Variants in PHF23 observed in about 807,000 individuals in gnomAD.
The protein encoded by PHF23 is PHD finger protein 23.
In PHF23, 3 loss-of-function variants were observed where a neutral mutation model predicts 36.0. The ratio of observed to expected loss-of-function variants is 0.08; its 90% confidence interval spans 0.04 to 0.22. The LOEUF (loss-of-function observed/expected upper bound fraction) is 0.22. Ranked by LOEUF, PHF23 falls within the 10% of genes least tolerant of loss-of-function variation. The probability of loss-of-function intolerance (pLI) is 1.00; values close to 1 mark genes in which losing one functional copy is unlikely to be tolerated. For synonymous variants in PHF23, 242 were observed against 192.5 expected (o/e 1.26, Z -2.13); for missense variants, 475 against 513.6 (o/e 0.92, Z 0.73).
At position 7,238,836 on chromosome 17, in the gene PHF23, G is replaced by A. The variant is rs2071736934; in HGVS notation, c.34+410C>T. On this transcript the variant is annotated intron_variant, in intron 1 of 4. Coordinates refer to ENST00000320316, the MANE Select transcript of PHF23 (RefSeq NM_024297.3). ...CCGGCGGCAACTACTCGGAGCTCCG[G>A]TACCACCGCCACAAACTACCCCACC... 3 of 1,533,108 alleles carry A rather than the reference G, an allele frequency of 2.0e-6. No homozygotes were observed. The African/African-American group carries it at 4.2e-5, about 21-fold the overall frequency. The allele number at this position is 1,533,108 out of a possible 1,614,324, so 95.0% of individuals were successfully genotyped here. A position where few individuals can be genotyped will look rare whatever the true frequency, so the allele number is the denominator to read the frequency against.
intron 1 of PHF23, chr17:7,238,727 G>T: frequency 6.8e-7 from 1 of 1,473,432 alleles, no homozygotes; most frequent in East Asian, 2.7e-5. Flanking sequence ...CCCCGGTACA[G>T]GTCCGTCTGC....
chr17:7,237,357 C>G, intron 3 of PHF23, 28 bp downstream of exon 3: 1 of 1,574,698 alleles, frequency 6.4e-7, no homozygotes, highest in South Asian at 1.1e-5. Context: ...CCACACCAGC[C>G]TCAAGTCAGT....
In PHF23 at chr17:7,236,449, G is replaced by C; in HGVS notation, c.478C>G (p.Pro160Ala). Residue 160 changes from proline (P) to alanine (A), a missense_variant, in exon 4 of 5, where the codon CCC becomes GCC. Physicochemically the swap from Pro to Ala is conservative, Grantham distance 27 (BLOSUM62 -1). This residue lies in a region of PHF23 where 350 missense variants were observed against 319.8 expected (regional missense o/e 1.09). Transcript: ENST00000320316. This position sits in a 1 kb window ranked among gnomAD's most constrained non-coding sequence, Gnocchi z 5.1. ...GGCACGGGGGTAAGAGCAGCAGGGG[G>C]CCGGGAGGTATGTGTCAGGGATGTG... ...SPTSLTHTSR[P>A]PAALTPVPLS... 6.2e-7 allele frequency: 1 copy of C among 1,613,680 alleles called. No homozygotes were observed. Among genetic ancestry groups the C allele is most frequent in the South Asian group, 1.1e-5 (1 of 91,078 alleles).
upstream of PHF23, chr17:7,239,641 G>A (rs1310801146): frequency 1.2e-5 from 2 of 163,308 alleles, no homozygotes; most frequent in East Asian, 1.7e-4. Context: ...TGAACCTCCG[G>A]AACTTTGATT....
chr17:7,235,522 G>T lies in PHF23; in HGVS notation c.*104C>A. On this transcript the variant is annotated 3_prime_UTR_variant, in exon 5 of 5. Transcript: ENST00000320316. ...AGTCTCCCTTGAGAATTCCTGCCTT[G>T]AAGTGCAGACAGTATCCAAGCTCCA... The T allele has an allele frequency of 8.6e-7, 1 of 1,167,596 alleles. No homozygotes were observed. The highest frequency in any genetic ancestry group is 1.2e-6 in the Non-Finnish European group (1 of 805,934). 72.3% of individuals were successfully genotyped at this position (1,167,596 alleles called of 1,614,324 possible). A position where few individuals can be genotyped will look rare whatever the true frequency, so the allele number is the denominator to read the frequency against.
chr17:7,239,120 G>C, intron 1 of PHF23, 126 bp downstream of exon 1: 1 of 1,029,950 alleles, frequency 9.7e-7, no homozygotes, highest in Non-Finnish European at 1.4e-6. Context: ...CCCACCTCCA[G>C]GGCCAGCCTC....
Position 7,236,876 on chromosome 17 carries a change from T to C in PHF23, c.160-109A>G. On this transcript the variant is annotated intron_variant, in intron 3 of 4. Transcript: ENST00000320316. This position sits in a 1 kb window ranked among gnomAD's most constrained non-coding sequence, Gnocchi z 5.1. ...TGGATTTACCCCAAAATGTCCTACC[T>C]CAACCACTAAATCCCACTGTACTCC... 6.8e-7 allele frequency: 1 copy of C among 1,468,500 alleles called. No individual in the cohort carries two copies. The highest frequency in any genetic ancestry group is 8.9e-7 in the Non-Finnish European group (1 of 1,119,516). The allele number at this position is 1,468,500 out of a possible 1,614,324, so 91.0% of individuals were successfully genotyped here. A position where few individuals can be genotyped will look rare whatever the true frequency, so the allele number is the denominator to read the frequency against.
At chr17:7,238,881 C>A in intron 1 of PHF23, 1 of 1,534,038 alleles carries the variant, frequency 6.5e-7, no homozygotes, top group South Asian at 1.2e-5. Flanking sequence ...TACCGGGCCC[C>A]TCACTCAGCC....
In PHF23 at chr17:7,237,910, C is replaced by G. The variant is rs1187223553; in HGVS notation, c.35-250G>C. 4 of 534,706 alleles carry G rather than the reference C, an allele frequency of 7.5e-6. No individual in the cohort carries two copies. In the East Asian group the frequency reaches 1.3e-4, roughly 17 times the overall value. 33.1% of individuals were successfully genotyped at this position (534,706 alleles called of 1,614,324 possible). On this transcript the variant is annotated intron_variant, in intron 1 of 4. Coordinates refer to ENST00000320316, the MANE Select transcript of PHF23 (RefSeq NM_024297.3). ...CCCCAACCGGAGGCCCGGCGCCCCG[C>G]CCCCCCAACTCACGGTCTCTCTCGA...
intron 2 of PHF23, 68 bp downstream of exon 2, chr17:7,237,561 C>G: frequency 1.2e-6 from 2 of 1,607,586 alleles, no homozygotes; most frequent in Non-Finnish European, 8.5e-7. Flanking sequence ...TAAGTGAGGT[C>G]TAGAAAAGGG....
chr17:7,236,064 A>G lies in PHF23; in HGVS notation c.863T>C (p.Val288Ala), dbSNP rs1251687870. ...AGCAGGAGGGACTCCTTCAGGGTGC[A>G]CTGTGGCAGGGGGCCTAGGAGCCTC... ...PPEAPRPPATVHPEGVPPADS... is the reference protein window; with the variant it reads ...PPEAPRPPATAHPEGVPPADS... Residue 288 changes from valine to alanine, a missense_variant, in exon 4 of 5, where the codon GTG becomes GCG. Around this residue, in one of 5 missense-constraint regions of PHF23, gnomAD observed 350 missense variants for 319.8 expected, o/e 1.09. Coordinates refer to ENST00000320316, the MANE Select transcript of PHF23 (RefSeq NM_024297.3). This position sits in a 1 kb window ranked among gnomAD's most constrained non-coding sequence, Gnocchi z 5.1. The G allele has an allele frequency of 3.1e-6, 5 of 1,613,860 alleles. No homozygotes were observed. In the East Asian group the frequency reaches 1.1e-4, roughly 36 times the overall value.
At chr17:7,238,836 G>T (rs2071736934) in intron 1 of PHF23, 10 of 1,533,228 alleles carry the variant, frequency 6.5e-6, no homozygotes, top group Non-Finnish European at 8.7e-6. Context: ...CGGAGCTCCG[G>T]TACCACCGCC....
intron 1 of PHF23, chr17:7,238,877 G>A (rs1047412116): frequency 6.3e-5 from 96 of 1,533,394 alleles, no homozygotes; most frequent in Admixed American, 1.2e-4. Flanking sequence ...GAACTACCGG[G>A]CCCCTCACTC....
chr17:7,237,746 C>A (rs1391972936), intron 1 of PHF23, 86 bp from the exon 2 acceptor site: 2 of 1,482,340 alleles, frequency 1.3e-6, no homozygotes, highest in Non-Finnish European at 1.9e-6. Flanking sequence ...CCTAAGTGAA[C>A]CCCCTGCTCT....
intron 1 of PHF23, 156 bp from the exon 2 acceptor site, chr17:7,237,816 C>T (rs958354912): frequency 4.9e-6 from 4 of 824,346 alleles, no homozygotes; most frequent in Admixed American, 5.4e-5. Flanking sequence ...CCCGGCTCCC[C>T]CTTCCGCCCC....
rs748172264 is a variant in PHF23, at chr17:7,236,271, T to G, written c.656A>C (p.Lys219Thr). The change falls in exon 4 of 5, where the codon AAG (lysine) becomes ACG (threonine). Residue 219 changes from lysine to threonine, a missense_variant. Coordinates refer to ENST00000320316, the MANE Select transcript of PHF23 (RefSeq NM_024297.3). The surrounding 1 kb of genome is among the most constrained non-coding windows in gnomAD (Gnocchi z 5.1). ...GEKRSRIKKS[K>T]KRKLKKAERG... is the part of the protein sequence containing the mutation. ...TTCTGCCTTTTTTAACTTCCGCTTC[T>G]TGCTCTTCTTGATTCGAGATCTCTT... is the stretch of plus-strand genomic sequence containing the variant. 19 of 1,613,764 alleles carry G rather than the reference T, an allele frequency of 1.2e-5. No individual in the cohort carries two copies. Among genetic ancestry groups the G allele is most frequent in the Non-Finnish European group, 1.6e-5 (19 of 1,179,806 alleles).
chr17:7,236,605 G>T lies in PHF23; in HGVS notation c.322C>A (p.Gln108Lys). The part of the protein sequence containing the change: ...KRRAAQAGPT[Q>K]PGPPRSTFSR... The stretch of plus-strand genomic sequence containing the variant: ...AAAGTGGACCTTGGGGGTCCTGGCT[G>T]GGTGGGACCTGCTTGAGCTGCCCTT... The change falls in exon 4 of 5, where the codon CAG (glutamine) becomes AAG (lysine). Residue 108 changes from glutamine (Q) to lysine (K), a missense_variant. This residue lies in a region of PHF23 where 350 missense variants were observed against 319.8 expected (regional missense o/e 1.09). Transcript: ENST00000320316. This position sits in a 1 kb window ranked among gnomAD's most constrained non-coding sequence, Gnocchi z 5.1. 6.2e-7 allele frequency: 1 copy of T among 1,614,212 alleles called. No individual in the cohort carries two copies. Among genetic ancestry groups the T allele is most frequent in the Non-Finnish European group, 8.5e-7 (1 of 1,180,040 alleles).
In PHF23 at chr17:7,236,574, C is replaced by A. The variant is rs533278658; in HGVS notation, c.353G>T (p.Arg118Leu). The change falls in exon 4 of 5, where the codon CGT becomes CTT. Residue 118 changes from arginine (R) to leucine (L), a missense_variant. Physicochemically the swap from Arg to Leu is moderately radical, Grantham distance 102. Transcript: ENST00000320316. The surrounding 1 kb of genome is among the most constrained non-coding windows in gnomAD (Gnocchi z 5.1). Reference protein sequence around the residue: ...QPGPPRSTFSRLQAPDSATLL... With the variant: ...QPGPPRSTFSLLQAPDSATLL... Reference sequence around the variant, plus strand: ...GGTAGCACTGTCGGGGGCCTGCAGACGAGAGAAAGTGGACCTTGGGGGTCC... The same window carrying A: ...GGTAGCACTGTCGGGGGCCTGCAGAAGAGAGAAAGTGGACCTTGGGGGTCC... The A allele has an allele frequency of 1.9e-6, 3 of 1,614,034 alleles. No individual in the cohort carries two copies. Among genetic ancestry groups the A allele is most frequent in the African/African-American group, 1.3e-5 (1 of 74,912 alleles).
chr17:7,239,154 C>A (rs974552547), intron 1 of PHF23, 92 bp downstream of exon 1: 1 of 1,064,278 alleles, frequency 9.4e-7, no homozygotes, highest in Non-Finnish European at 1.4e-6. Context: ...CGAACTCCCC[C>A]GCTGGGCTCC....
Sources: allele counts gnomAD v4.1 joint callset, GRCh38; gene constraint gnomAD v4.1.1; regional missense constraint gnomAD v4.1.1; non-coding constraint Gnocchi (gnomAD v3.1); transcripts MANE v1.5; gene names NCBI Gene and HGNC (gene_info 2026-07-23, HGNC 2026-07-21).